CTTN: variants seen among roughly 807,000 people sequenced by gnomAD.
The protein encoded by CTTN is src substrate cortactin.
Under a neutral mutation model 84.0 loss-of-function variants are expected in CTTN, and 28 were observed. The observed-to-expected ratio is 0.33, with a 90% CI of 0.25 to 0.46. The LOEUF (loss-of-function observed/expected upper bound fraction) is 0.46, where lower values mean the gene tolerates loss of function less well. Among genes scored for constraint, CTTN ranks in the 20% least tolerant of loss-of-function variants. The pLI is 1.00. For synonymous variants in CTTN, 301 were observed against 288.8 expected (o/e 1.04, Z -0.43); for missense variants, 641 against 723.8 (o/e 0.89, Z 1.31).
chr11:70,409,025 G>T (rs2058073097), intron 4 of CTTN, among the ~76,000 whole-genome samples: 1 of 152,118 alleles, frequency 6.6e-6, no homozygotes, highest in African/African-American at 2.4e-5. Flanking sequence ...AACACATGGG[G>T]AATAAGCCCA....
intron 4 of CTTN, among the ~76,000 whole-genome samples, chr11:70,408,647 G>C (rs1409269825): frequency 6.6e-6 from 1 of 152,166 alleles, no homozygotes; most frequent in Non-Finnish European, 1.5e-5. Context: ...TGATTCTCCT[G>C]CCTCAGCCTC....
intron 15 of CTTN, among the ~76,000 whole-genome samples, chr11:70,432,235 A>C (rs1047293447): frequency 3.3e-5 from 5 of 152,096 alleles, no homozygotes; most frequent in African/African-American, 1.2e-4. Flanking sequence ...CTCCCCCTCT[A>C]GTCCCTCCCC....
Position 70,433,173 on chromosome 11 carries a change from A to T in CTTN, c.1339A>T (p.Ser447Cys). 2 of 1,613,682 alleles carry T rather than the reference A, an allele frequency of 1.2e-6. 1 individual carries two copies. The highest frequency in any genetic ancestry group is 1.7e-6 in the Non-Finnish European group (2 of 1,179,998). ...TGGGACGGAGCCGGAGCCCGTGTACAGCATGGAGGCCGCTGACTACCGAGA... is the reference window on the plus strand; with the variant it reads ...TGGGACGGAGCCGGAGCCCGTGTACTGCATGGAGGCCGCTGACTACCGAGA... The part of the protein sequence containing the change: ...VSGTEPEPVY[S>C]MEAADYREAS... Residue 447 changes from serine to cysteine, a missense_variant, in exon 16 of 18, where the codon AGC becomes TGC. Physicochemically the swap from Ser to Cys is moderately radical, Grantham distance 112. Transcript: ENST00000301843.
intron 14 of CTTN, among the ~76,000 whole-genome samples, chr11:70,430,083 A>G (rs2058338609): frequency 6.6e-6 from 1 of 152,206 alleles, no homozygotes; most frequent in African/African-American, 2.4e-5. Flanking sequence ...CATAGATGCC[A>G]GGAACCGTGC....
chr11:70,434,975 G>T (rs1227356362), intron 17 of CTTN, 51 bp from the exon 18 acceptor site: 5 of 1,599,708 alleles, frequency 3.1e-6, no homozygotes, highest in South Asian at 1.1e-5. Context: ...TTTTCTGGCA[G>T]ACCAGGAAAC....
At chr11:70,413,689 T>C (rs984457842) in intron 5 of CTTN, among the ~76,000 whole-genome samples, 4 of 152,172 alleles carry the variant, frequency 2.6e-5, no homozygotes, top group African/African-American at 9.7e-5. Context: ...TTAATGATGC[T>C]GAAATGAGCT....
chr11:70,407,112 A>C (rs1308034122), intron 2 of CTTN, among the ~76,000 whole-genome samples, 186 bp from the exon 3 acceptor site: 4 of 152,094 alleles, frequency 2.6e-5, no homozygotes, highest in African/African-American at 9.7e-5. Context: ...TAGAACCCCG[A>C]GGTGAAATTT....
intron 7 of CTTN, among the ~76,000 whole-genome samples, chr11:70,416,546 C>T (rs1591439430): frequency 1.3e-5 from 2 of 152,216 alleles, no homozygotes; most frequent in Non-Finnish European, 2.9e-5. Context: ...ATTCTCCTGC[C>T]TCAGCCTCCC....
At position 70,433,378 on chromosome 11, in the gene CTTN, C is replaced by G. The variant is rs2058377936; in HGVS notation, c.1444+100C>G. The G allele has an allele frequency of 3.2e-6, 4 of 1,239,304 alleles. No homozygotes were observed. In the East Asian group the frequency reaches 9.9e-5, roughly 31 times the overall value. The allele number at this position is 1,239,304 out of a possible 1,614,324, so 76.8% of individuals were successfully genotyped here. ...CGTTGCGAGGAGCGTGGGTTTCCCACTGACACGCCTTTGCTTGCTTGCTAT... is the reference window on the plus strand; with the variant it reads ...CGTTGCGAGGAGCGTGGGTTTCCCAGTGACACGCCTTTGCTTGCTTGCTAT... On this transcript the variant is annotated intron_variant, in intron 16 of 17. Coordinates refer to ENST00000301843, the MANE Select transcript of CTTN (RefSeq NM_005231.4).
In CTTN at chr11:70,420,392, G is replaced by A. The variant is rs2058217947; in HGVS notation, c.680-8G>A. 4.4e-6 allele frequency: 7 copies of A among 1,597,452 alleles called. No homozygotes were observed. Among genetic ancestry groups the A allele is most frequent in the Non-Finnish European group, 6.0e-6 (7 of 1,164,786 alleles). On this transcript the variant is annotated splice_polypyrimidine_tract_variant and splice_region_variant and intron_variant, in intron 9 of 17. Transcript: ENST00000301843. ...ATGATGGGTTCTGGCCTTTCATTGT[G>A]CATGTAGACTATGTGAAAGGGTTTG...
intron 9 of CTTN, 120 bp from the exon 10 acceptor site, chr11:70,420,280 C>G (rs2058216067): frequency 1.4e-6 from 1 of 711,012 alleles, no homozygotes; most frequent in Non-Finnish European, 2.5e-6. Context: ...TACCAAAGAT[C>G]CGGAAGGGAA....
rs572414389 is a variant in CTTN, at chr11:70,425,788, T to C, written c.1027+387T>C. Among the ~76,000 whole-genome samples the C allele has an allele frequency of 2.0e-5, 3 of 152,336 alleles. No homozygotes were observed. In the South Asian group the frequency reaches 6.2e-4, roughly 32 times the overall value. On this transcript the variant is annotated intron_variant, in intron 13 of 17. Transcript: ENST00000301843. ...GGAGGAAGACATCATGACGTCGATG[T>C]GCAGGCGACAGCAGACATTCTCTCT...
chr11:70,403,517 T>C (rs1277347391), intron 1 of CTTN, among the ~76,000 whole-genome samples: 2 of 152,172 alleles, frequency 1.3e-5, no homozygotes, highest in African/African-American at 4.8e-5. Context: ...GGATCTACAG[T>C]TCAAAATACT....
At chr11:70,422,892 A>C (rs766346935) in intron 11 of CTTN, 48 bp from the exon 12 acceptor site, 2 of 1,613,316 alleles carry the variant, frequency 1.2e-6, no homozygotes, top group South Asian at 1.1e-5. Flanking sequence ...GGCCACCCCC[A>C]TGCTCGCCTC....
At chr11:70,420,321 C>A in intron 9 of CTTN, 79 bp from the exon 10 acceptor site, 2 of 904,086 alleles carry the variant, frequency 2.2e-6, no homozygotes, top group African/African-American at 1.6e-5. Flanking sequence ...ATGCGTTTAA[C>A]TGTATTGAAA....
At chr11:70,423,036 A>AG (rs1414147581) in intron 12 of CTTN, 41 bp downstream of exon 12, 1 of 1,610,176 alleles carries the variant, frequency 6.2e-7, no homozygotes, top group South Asian at 1.1e-5. Flanking sequence ...TTCTGCCTGC[A>AG]GGGGCTCTTG....
At chr11:70,427,642 G>A (rs527830111) in intron 13 of CTTN, among the ~76,000 whole-genome samples, 2 of 152,360 alleles carry the variant, frequency 1.3e-5, no homozygotes, top group Admixed American at 6.5e-5. Context: ...CCTGCAGGCC[G>A]GCTCCTCTGG....
chr11:70,409,709 A>G, intron 4 of CTTN, 122 bp from the exon 5 acceptor site: 3 of 1,121,200 alleles, frequency 2.7e-6, no homozygotes, highest in South Asian at 2.8e-5. Context: ...ATCGGTGAAC[A>G]TCAGATAAGC....
chr11:70,432,962 A>C, intron 15 of CTTN, 139 bp from the exon 16 acceptor site: 11 of 880,610 alleles, frequency 1.2e-5, no homozygotes, highest in Non-Finnish European at 1.9e-5. Flanking sequence ...TGGCCTTCCT[A>C]TACCGCGTCT....
Sources: gnomAD v4.1 joint callset for allele counts (sites outside exome capture counted in the v4.1 genomes callset) on GRCh38, gnomAD v4.1.1 for gene constraint, MANE v1.5 for transcripts, NCBI Gene and HGNC (gene_info 2026-07-23, HGNC 2026-07-21) for gene names.